PRR16: variants seen among roughly 807,000 people sequenced by gnomAD.
PRR16 encodes protein Largen.
Under a neutral mutation model 18.2 loss-of-function variants are expected in PRR16, and 6 were observed. That is an observed-to-expected ratio of 0.33 (90% CI 0.18 to 0.65). The LOEUF is 0.65. Among genes scored for constraint, PRR16 ranks in the 30% least tolerant of loss-of-function variants. The probability of loss-of-function intolerance (pLI) is 0.74; values close to 1 mark genes in which losing one functional copy is unlikely to be tolerated. For missense variants in PRR16, 412 were observed against 376.6 expected (o/e 1.09, Z -0.78); for synonymous variants, 151 against 147.8 (o/e 1.02, Z -0.16).
intron 1 of PRR16, among the ~76,000 whole-genome samples, chr5:120,682,359 G>C (rs1044131129): frequency 3.3e-5 from 5 of 152,036 alleles, no homozygotes; most frequent in African/African-American, 9.7e-5. Context: ...AAAATTACTT[G>C]TTTGAAGATC....
chr5:120,611,848 C>T (rs1185832675), intron 1 of PRR16, among the ~76,000 whole-genome samples: 1 of 152,178 alleles, frequency 6.6e-6, no homozygotes, highest in Non-Finnish European at 1.5e-5. Flanking sequence ...CACCATTCTC[C>T]AGACCCCAGA....
At chr5:120,547,246 C>T (rs888470516) in intron 1 of PRR16, among the ~76,000 whole-genome samples, 5 of 152,086 alleles carry the variant, frequency 3.3e-5, no homozygotes, top group African/African-American at 1.2e-4. Flanking sequence ...TCTCCTACCT[C>T]AAGCAGGCCT....
chr5:120,509,046 A>G (rs1486526790), intron 1 of PRR16, among the ~76,000 whole-genome samples: 2 of 152,140 alleles, frequency 1.3e-5, no homozygotes, highest in African/African-American at 4.8e-5. Context: ...AGCTTTCTGT[A>G]AAATAGGTTG....
the PRR16 span, among the ~76,000 whole-genome samples, chr5:120,752,414 T>C: frequency 6.6e-6 from 1 of 151,958 alleles, no homozygotes; most frequent in Non-Finnish European, 1.5e-5. Context: ...TGTTTATTGT[T>C]TTTTTGAAGG....
chr5:120,643,564 T>C (rs1020250687), intron 1 of PRR16, among the ~76,000 whole-genome samples: 2 of 152,186 alleles, frequency 1.3e-5, no homozygotes, highest in African/African-American at 2.4e-5. Context: ...CTTTTTTAAC[T>C]ATTAAAACCT....
intron 1 of PRR16, among the ~76,000 whole-genome samples, chr5:120,654,102 G>A (rs926228637): frequency 6.6e-6 from 1 of 152,060 alleles, no homozygotes. Flanking sequence ...GAGTTTAAGT[G>A]ATGTGAACAA....
the PRR16 span, among the ~76,000 whole-genome samples, chr5:120,706,399 GTTGT>G: frequency 6.6e-6 from 1 of 152,036 alleles, no homozygotes; most frequent in African/African-American, 2.4e-5. Flanking sequence ...TTCTGGCCAG[GTTGT>G]TTATTGGCTC....
chr5:120,660,046 A>G (rs983814902), intron 1 of PRR16, among the ~76,000 whole-genome samples: 2 of 152,016 alleles, frequency 1.3e-5, no homozygotes, highest in Middle Eastern at 3.2e-3. Flanking sequence ...CTCCATCCAG[A>G]TTGAGTGTGG....
chr5:120,723,460 G>A, the PRR16 span, among the ~76,000 whole-genome samples: 3 of 151,884 alleles, frequency 2.0e-5, no homozygotes, highest in African/African-American at 7.2e-5. Context: ...ATTTAAAAAA[G>A]CATAATTACA....
the PRR16 span, among the ~76,000 whole-genome samples, chr5:120,770,643 A>G: frequency 6.6e-6 from 1 of 152,036 alleles, no homozygotes; most frequent in Non-Finnish European, 1.5e-5. Flanking sequence ...CAATCTAAAG[A>G]ATGAGAGAAA....
the PRR16 span, among the ~76,000 whole-genome samples, chr5:120,694,378 C>T: frequency 6.6e-6 from 1 of 152,114 alleles, no homozygotes; most frequent in Admixed American, 6.5e-5. Flanking sequence ...ATTAGAAAGT[C>T]GGCAAATGAG....
At chr5:120,692,602 G>A in the PRR16 span, among the ~76,000 whole-genome samples, 1 of 152,192 alleles carries the variant, frequency 6.6e-6, no homozygotes, top group Non-Finnish European at 1.5e-5. Context: ...GCATATGGGT[G>A]TGGGCCCAAG....
chr5:120,578,462 T>C (rs1753154443), intron 1 of PRR16, among the ~76,000 whole-genome samples: 1 of 152,180 alleles, frequency 6.6e-6, no homozygotes, highest in Non-Finnish European at 1.5e-5. Context: ...GTGTTCTCAA[T>C]GTTCAACTCC....
chr5:120,515,390 A>G (rs1750956267), intron 1 of PRR16, among the ~76,000 whole-genome samples: 1 of 152,200 alleles, frequency 6.6e-6, no homozygotes, highest in African/African-American at 2.4e-5. Flanking sequence ...CATAGCAAAA[A>G]TGTCATATAT....
chr5:120,662,856 T>G (rs1221891053), intron 1 of PRR16, among the ~76,000 whole-genome samples: 1 of 152,070 alleles, frequency 6.6e-6, no homozygotes, highest in African/African-American at 2.4e-5. Flanking sequence ...GGGGCAGGAA[T>G]AGGGGTGGAG....
the PRR16 span, among the ~76,000 whole-genome samples, chr5:120,730,208 T>G: frequency 6.6e-6 from 1 of 152,104 alleles, no homozygotes; most frequent in African/African-American, 2.4e-5. Flanking sequence ...GTATGAAGAT[T>G]TTATACTTTA....
At chr5:120,489,563 G>T (rs907560084) in intron 1 of PRR16, among the ~76,000 whole-genome samples, 2 of 152,086 alleles carry the variant, frequency 1.3e-5, no homozygotes, top group African/African-American at 4.8e-5. Flanking sequence ...CGTGAGATGG[G>T]TTTCCTGAAT....
At chr5:120,491,385 A>G (rs1456423041) in intron 1 of PRR16, among the ~76,000 whole-genome samples, 1 of 151,970 alleles carries the variant, frequency 6.6e-6, no homozygotes, top group Non-Finnish European at 1.5e-5. Flanking sequence ...TACATTCTAT[A>G]TTAACTTAGG....
chr5:120,511,204 C>T (rs897266622), intron 1 of PRR16, among the ~76,000 whole-genome samples: 2 of 152,172 alleles, frequency 1.3e-5, no homozygotes, highest in Admixed American at 6.6e-5. Flanking sequence ...AAAGCCTGTA[C>T]AGGTTGCATG....
Sources: allele counts gnomAD v4.1 joint callset (sites outside exome capture counted in the v4.1 genomes callset), GRCh38; gene constraint gnomAD v4.1.1; transcripts MANE v1.5; gene names NCBI Gene and HGNC (gene_info 2026-07-23, HGNC 2026-07-21).